Variants in POMT2 observed in about 807,000 individuals in gnomAD.
POMT2 encodes the protein protein O-mannosyl-transferase 2.
POMT2 carries 75 observed loss-of-function variants against 100.0 expected under a neutral mutation model. The ratio of observed to expected loss-of-function variants is 0.75; its 90% CI spans 0.62 to 0.91. POMT2 has a LOEUF of 0.91. POMT2 is among the 40% of genes least tolerant of loss of function. The pLI is 0.00. For missense variants in POMT2, 940 were observed against 955.1 expected, an observed-to-expected ratio of 0.98 and a Z score of 0.21; for synonymous variants, 378 against 374.1, an observed-to-expected ratio of 1.01 and a Z score of -0.12.
At chr14:77,296,342 G>T in intron 8 of POMT2, 69 bp from the exon 9 acceptor site, 1 of 1,097,384 alleles carries the variant, frequency 9.1e-7, no homozygotes, top group Non-Finnish European at 1.4e-6. Context: ...CCTGCGAGGA[G>T]CCTCGGAAGC....
chr14:77,293,606 A>T (rs1159310616), intron 9 of POMT2, among the ~76,000 whole-genome samples: 3 of 152,230 alleles, frequency 2.0e-5, no homozygotes, highest in African/African-American at 4.8e-5. Context: ...TGTTAACAAG[A>T]CATTAAACTG....
intron 20 of POMT2, 125 bp from the exon 21 acceptor site, chr14:77,277,606 C>T (rs542054286): frequency 1.6e-5 from 13 of 799,832 alleles, no homozygotes; most frequent in Admixed American, 5.8e-5. Context: ...TTCTCTTTCA[C>T]GGCCTTGTCT....
At chr14:77,306,529 G>A (rs975824283) in intron 2 of POMT2, 88 bp from the exon 3 acceptor site, 2 of 1,484,720 alleles carry the variant, frequency 1.3e-6, no homozygotes, top group Non-Finnish European at 1.9e-6. Flanking sequence ...TGCACCCACA[G>A]ACTTTGGGTT....
intron 1 of POMT2, among the ~76,000 whole-genome samples, chr14:77,317,803 G>C (rs1891684576): frequency 6.6e-6 from 1 of 152,218 alleles, no homozygotes; most frequent in African/African-American, 2.4e-5. Flanking sequence ...AGAAAGCCCA[G>C]ATCAGCTGGG....
chr14:77,296,271 G>A lies in POMT2; in HGVS notation c.1009C>T (p.Leu337=), dbSNP rs777184206. ...NLHNASIPEH[L]AYGSVITVKN... Reference sequence around the variant, plus strand: ...ACAGTGATCACAGAGCCGTAGGCCAGGTCTGGGAGGAAGGGAGACAGCAGA... The same window carrying A: ...ACAGTGATCACAGAGCCGTAGGCCAAGTCTGGGAGGAAGGGAGACAGCAGA... The change falls in exon 9 of 21, where the codon CTG becomes TTG. Residue 337 remains leucine, a splice_region_variant and synonymous_variant. Transcript: ENST00000261534. 13 of 1,595,464 alleles carry A rather than the reference G, an allele frequency of 8.1e-6. No homozygotes were observed. The South Asian group carries it at 1.3e-4, about 15-fold the overall frequency.
intron 4 of POMT2, among the ~76,000 whole-genome samples, chr14:77,304,474 G>A (rs561705691): frequency 2.6e-5 from 4 of 152,226 alleles, no homozygotes; most frequent in South Asian, 2.1e-4. Context: ...GATTACCCAC[G>A]CCGATTCTCC....
chr14:77,300,864 G>T, intron 6 of POMT2: 2 of 579,800 alleles, frequency 3.4e-6, no homozygotes, highest in Non-Finnish European at 5.9e-6. Context: ...TGCAAAAAGA[G>T]ACTTCCAAGA....
chr14:77,303,752 C>G (rs1476798853), intron 4 of POMT2, among the ~76,000 whole-genome samples: 2 of 152,194 alleles, frequency 1.3e-5, no homozygotes, highest in Non-Finnish European at 2.9e-5. Flanking sequence ...CTCCATTATT[C>G]CATCCCTTAC....
At position 77,288,744 on chromosome 14, in the gene POMT2, A is replaced by G; in HGVS notation, c.1253+18T>C. On this transcript the variant is annotated intron_variant, in intron 11 of 20. Coordinates refer to ENST00000261534, the MANE Select transcript of POMT2 (RefSeq NM_013382.7). Reference sequence around the variant, plus strand: ...GGTGCCCGTACCATTTATTTATCCAAACTGCAAATTGACTTACTCTTTGTG... The same window carrying G: ...GGTGCCCGTACCATTTATTTATCCAGACTGCAAATTGACTTACTCTTTGTG... 2 of 1,610,400 alleles carry G rather than the reference A, an allele frequency of 1.2e-6. No individual in the cohort carries two copies. Among genetic ancestry groups the G allele is most frequent in the African/African-American group, 1.3e-5 (1 of 74,914 alleles).
chr14:77,306,457 C>T lies in POMT2; in HGVS notation c.334-16G>A, dbSNP rs747824396. ...CTATCAGCATCTGAGGAGAGAAGAA[C>T]AAACAAAAAGATGAGAAGCCTTTGG... On this transcript the variant is annotated splice_polypyrimidine_tract_variant and intron_variant, in intron 2 of 20. Coordinates refer to ENST00000261534, the MANE Select transcript of POMT2 (RefSeq NM_013382.7). 2 of 1,610,870 alleles carry T rather than the reference C, an allele frequency of 1.2e-6. No individual in the cohort carries two copies. Among genetic ancestry groups the T allele is most frequent in the East Asian group, 4.5e-5 (2 of 44,820 alleles).
In POMT2 at chr14:77,296,242, C is replaced by T. The variant is rs1421871073; in HGVS notation, c.1038G>A (p.Lys346=). The change falls in exon 9 of 21, where the codon AAG becomes AAA. Residue 346 remains lysine, a synonymous_variant. Transcript: ENST00000261534. ...HLAYGSVITV[K]NLRMAIGYLH... is the part of the protein sequence containing the mutation. ...GATAGCCGATGGCCATCCGGAGGTTCTTCACAGTGATCACAGAGCCGTAGG... is the reference window on the plus strand; with the variant it reads ...GATAGCCGATGGCCATCCGGAGGTTTTTCACAGTGATCACAGAGCCGTAGG... 1.2e-6 allele frequency: 2 copies of T among 1,607,622 alleles called. No homozygotes were observed. The highest frequency in any genetic ancestry group is 2.2e-5 in the South Asian group (2 of 89,270).
intron 15 of POMT2, 44 bp from the exon 16 acceptor site, chr14:77,280,507 G>C (rs1195826866): frequency 1.2e-6 from 2 of 1,613,652 alleles, no homozygotes; most frequent in Non-Finnish European, 1.7e-6. Context: ...CAGAGATCTA[G>C]AGGGCTGACA....
chr14:77,278,378 G>A lies in POMT2; in HGVS notation c.2147+16C>T. 1 of 1,454,466 alleles carries A rather than the reference G, an allele frequency of 6.9e-7. No individual in the cohort carries two copies. The highest frequency in any genetic ancestry group is 9.4e-7 in the Non-Finnish European group (1 of 1,059,724). 90.1% of individuals were successfully genotyped at this position (1,454,466 alleles called of 1,614,324 possible). A position where few individuals can be genotyped will look rare whatever the true frequency, so the allele number is the denominator to read the frequency against. On this transcript the variant is annotated intron_variant, in intron 20 of 20. Transcript: ENST00000261534. ...AGCCCACACTGGGAGGGCATGTGAG[G>A]TGCAGAGATGCTCACCTGTAGGCAG... is the stretch of plus-strand genomic sequence containing the variant.
At chr14:77,280,118 C>T (rs371498599) in intron 16 of POMT2, 38 bp from the exon 17 acceptor site, 11 of 1,613,320 alleles carry the variant, frequency 6.8e-6, no homozygotes, top group South Asian at 1.1e-5. Flanking sequence ...CCAGGCCCAG[C>T]CCATCCTCGG....
At chr14:77,293,300 A>G (rs2140209963) in intron 9 of POMT2, among the ~76,000 whole-genome samples, 1 of 152,310 alleles carries the variant, frequency 6.6e-6, no homozygotes, top group East Asian at 1.9e-4. Context: ...TCTGTTTTAC[A>G]AGAGCAATTA....
At chr14:77,312,054 G>T in intron 1 of POMT2, 21 bp from the exon 2 acceptor site, 1 of 1,612,662 alleles carries the variant, frequency 6.2e-7, no homozygotes, top group South Asian at 1.1e-5. Context: ...CACAGAAAGA[G>T]AAACAAGAAT....
At chr14:77,302,174 T>A (rs189961835) in intron 5 of POMT2, among the ~76,000 whole-genome samples, 106 of 152,246 alleles carry the variant, frequency 7.0e-4, no homozygotes, top group African/African-American at 2.5e-3. Flanking sequence ...ACTCTTCTGG[T>A]TTGAATAGAA....
chr14:77,279,669 CT>C lies in POMT2; in HGVS notation c.1891+153del, dbSNP rs544391387. 3.1e-4 allele frequency: 239 copies of C among 773,972 alleles called. 1 individual carries two copies. The African/African-American group carries it at 3.5e-3, about 11-fold the overall frequency. 47.9% of individuals were successfully genotyped at this position (773,972 alleles called of 1,614,324 possible). On this transcript the variant is annotated intron_variant, in intron 18 of 20. Transcript: ENST00000261534. ...AAAGTGTTTAACACAGCACTGGGTA[CT>C]TGGGGGTTGTTACCTTTCAAAAGCA...
At chr14:77,280,522 T>C in intron 15 of POMT2, 59 bp from the exon 16 acceptor site, 2 of 1,612,482 alleles carry the variant, frequency 1.2e-6, no homozygotes, top group South Asian at 1.1e-5. Context: ...CTGACAGAAA[T>C]GTGGGGCCCA....
Sources: gnomAD v4.1 joint callset for allele counts (sites outside exome capture counted in the v4.1 genomes callset) on GRCh38, gnomAD v4.1.1 for gene constraint, MANE v1.5 for transcripts, NCBI Gene and HGNC (gene_info 2026-07-23, HGNC 2026-07-21) for gene names.